The following GNA12 variants were observed in gnomAD, a reference collection of about 807,000 sequenced individuals.
GNA12 encodes the protein guanine nucleotide-binding protein subunit alpha-12.
Under a neutral mutation model 26.0 loss-of-function variants are expected in GNA12, and 9 were observed. The ratio of observed to expected loss-of-function variants is 0.35; its 90% CI spans 0.21 to 0.60. The LOEUF is 0.60. Ranked by LOEUF, GNA12 falls within the 20% of genes least tolerant of loss-of-function variation. The probability of loss-of-function intolerance (pLI) is 0.78; values close to 1 mark genes in which losing one functional copy is unlikely to be tolerated. For missense variants in GNA12, 405 were observed against 525.8 expected, an observed-to-expected ratio of 0.77 and a Z score of 2.25; for synonymous variants, 264 against 219.6, an observed-to-expected ratio of 1.20 and a Z score of -1.79.
At chr7:2,803,053 C>T (rs543601861) in intron 1 of GNA12, among the ~76,000 whole-genome samples, 3 of 152,074 alleles carry the variant, frequency 2.0e-5, no homozygotes, top group Non-Finnish European at 2.9e-5. Flanking sequence ...GTGACTATAC[C>T]GAGGGCTCAC....
chr7:2,778,970 T>G (rs1344781583), intron 2 of GNA12, among the ~76,000 whole-genome samples: 1 of 152,242 alleles, frequency 6.6e-6, no homozygotes, highest in Non-Finnish European at 1.5e-5. Context: ...TTATTTCAAC[T>G]GTAAGCCTTC....
At chr7:2,733,093 C>A (rs1191099616) in intron 3 of GNA12, among the ~76,000 whole-genome samples, 2 of 152,206 alleles carry the variant, frequency 1.3e-5, no homozygotes, top group East Asian at 3.8e-4. Context: ...CGGGGGAGGG[C>A]TGCTGAAACA....
intron 2 of GNA12, among the ~76,000 whole-genome samples, chr7:2,760,153 C>T (rs1791489332): frequency 1.3e-5 from 2 of 152,246 alleles, no homozygotes; most frequent in South Asian, 4.1e-4. Flanking sequence ...GATGGACGTG[C>T]TTTCTTCCCA....
intron 1 of GNA12, among the ~76,000 whole-genome samples, chr7:2,813,057 C>G (rs1182627958): frequency 6.6e-6 from 1 of 152,102 alleles, no homozygotes; most frequent in Non-Finnish European, 1.5e-5. Context: ...TCCTGAGTAG[C>G]TGGGAATTAC....
intron 1 of GNA12, among the ~76,000 whole-genome samples, chr7:2,837,934 CT>C (rs890570617): frequency 6.6e-6 from 1 of 151,958 alleles, no homozygotes; most frequent in African/African-American, 2.4e-5. Context: ...CAGTTGATGA[CT>C]GAAGTAAACC....
intron 1 of GNA12, among the ~76,000 whole-genome samples, chr7:2,832,363 G>A (rs1028545927): frequency 2.0e-5 from 3 of 152,270 alleles, no homozygotes; most frequent in South Asian, 2.1e-4. Context: ...AGCTCTGAAC[G>A]ACAGAGCAGG....
At chr7:2,843,363 A>C (rs1465653979) in intron 1 of GNA12, among the ~76,000 whole-genome samples, 1 of 151,842 alleles carries the variant, frequency 6.6e-6, no homozygotes, top group Non-Finnish European at 1.5e-5. Flanking sequence ...GCAGAGGCAG[A>C]CCGGGCGCCA....
intron 2 of GNA12, among the ~76,000 whole-genome samples, chr7:2,752,802 T>A (rs976958731): frequency 5.9e-5 from 9 of 152,214 alleles, no homozygotes; most frequent in African/African-American, 2.2e-4. Flanking sequence ...GAGGTATAGG[T>A]GGACCTGCCA....
At chr7:2,831,484 A>AACT (rs1778654522) in intron 1 of GNA12, among the ~76,000 whole-genome samples, 2 of 150,416 alleles carry the variant, frequency 1.3e-5, no homozygotes, top group Non-Finnish European at 2.9e-5. Context: ...GCTCACTGCA[A>AACT]ACTACACCTC....
Position 2,731,265 on chromosome 7 carries a change from G to A in GNA12, c.1062C>T (p.Ile354=), listed in dbSNP as rs34711743. 4.3e-4 allele frequency: 699 copies of A among 1,613,500 alleles called. 10 individuals are homozygous for A. The East Asian group carries it at 0.015, about 34-fold the overall frequency. The stretch of plus-strand genomic sequence containing the variant: ...ACACGAAGCGGACGTTCTCGGTGTC[G>A]ATGGCGGTGGTGAAGTGGTGGAAGA... The part of the protein sequence containing the change: ...KPLFHHFTTA[I]DTENVRFVFH... Residue 354 remains isoleucine, a synonymous_variant, in exon 4 of 4, where the codon ATC becomes ATT. Transcript: ENST00000275364. This position sits in a 1 kb window ranked among gnomAD's most constrained non-coding sequence, Gnocchi z 6.0.
At chr7:2,739,073 G>A (rs1001315283) in intron 2 of GNA12, among the ~76,000 whole-genome samples, 7 of 152,210 alleles carry the variant, frequency 4.6e-5, no homozygotes, top group African/African-American at 1.7e-4. Context: ...TCCGCAGGGT[G>A]TGTCCTCGGC....
intron 2 of GNA12, among the ~76,000 whole-genome samples, chr7:2,763,687 G>C (rs763704297): frequency 2.6e-5 from 4 of 152,244 alleles, no homozygotes; most frequent in Non-Finnish European, 4.4e-5. Flanking sequence ...GTAAGAATGA[G>C]AAAGCCTGGG....
chr7:2,753,149 T>C (rs1370566100), intron 2 of GNA12, among the ~76,000 whole-genome samples: 1 of 148,952 alleles, frequency 6.7e-6, no homozygotes, highest in Non-Finnish European at 1.5e-5. Flanking sequence ...CCATACAGCA[T>C]GCGGCTTTTT....
intron 1 of GNA12, among the ~76,000 whole-genome samples, chr7:2,805,349 C>T (rs566948634): frequency 2.0e-5 from 3 of 152,304 alleles, no homozygotes; most frequent in South Asian, 2.1e-4. Flanking sequence ...AATGAGAAAG[C>T]GGAAGCTCAA....
chr7:2,756,653 T>C (rs1325358165), intron 2 of GNA12, among the ~76,000 whole-genome samples: 1 of 152,148 alleles, frequency 6.6e-6, no homozygotes, highest in African/African-American at 2.4e-5. Flanking sequence ...ATCTGTGTGA[T>C]CTTGGGTTAG....
chr7:2,756,444 C>T (rs949557234), intron 2 of GNA12, among the ~76,000 whole-genome samples: 1 of 152,118 alleles, frequency 6.6e-6, no homozygotes, highest in Admixed American at 6.5e-5. Context: ...GAGACCTCAT[C>T]TCTGCAAAAA....
intron 2 of GNA12, among the ~76,000 whole-genome samples, chr7:2,737,510 A>T (rs887986629): frequency 2.0e-5 from 3 of 151,964 alleles, no homozygotes; most frequent in African/African-American, 4.8e-5. Context: ...GCTGGTCTCG[A>T]ACTCCTGACC....
intron 2 of GNA12, among the ~76,000 whole-genome samples, chr7:2,753,782 A>T (rs1475487539): frequency 2.0e-5 from 3 of 151,530 alleles, no homozygotes; most frequent in Non-Finnish European, 2.9e-5. Flanking sequence ...TGCTGAATTT[A>T]CTCCTGTGCC....
chr7:2,735,563 G>GGT (rs1790127512), intron 2 of GNA12, among the ~76,000 whole-genome samples: 1 of 152,166 alleles, frequency 6.6e-6, no homozygotes, highest in African/African-American at 2.4e-5. Context: ...CGTTTCCCTC[G>GGT]GTGTGAGTCT....
Sources: allele counts gnomAD v4.1 joint callset (sites outside exome capture counted in the v4.1 genomes callset), GRCh38; gene constraint gnomAD v4.1.1; non-coding constraint Gnocchi (gnomAD v3.1); transcripts MANE v1.5; gene names NCBI Gene and HGNC (gene_info 2026-07-23, HGNC 2026-07-21).